TBCK: variants seen among roughly 807,000 people sequenced by gnomAD.
The protein encoded by TBCK is TBC domain-containing protein kinase-like protein.
TBCK carries 99 observed loss-of-function variants against 113.4 expected under a neutral mutation model. That is an observed-to-expected ratio of 0.87 (90% CI 0.74 to 1.03). TBCK has a LOEUF of 1.03. Ranked by LOEUF, TBCK falls within the 50% of genes least tolerant of loss-of-function variation. TBCK has a pLI of 0.00. For missense variants in TBCK, 1,045 were observed against 1,061.3 expected (o/e 0.98, Z 0.21); for synonymous variants, 369 against 370.8 (o/e 1.00, Z 0.05).
rs148401737 is a variant in TBCK at position 106,240,588 on chromosome 4, C to G, written c.1170+1882G>C. On this transcript the variant is annotated intron_variant, in intron 12 of 25. Coordinates refer to ENST00000394708, the MANE Select transcript of TBCK (RefSeq NM_001163435.3). ...TTATTGATTTATTTTTTAAAATCCT[C>G]TACTGGTATACTTAAGATTTGGTAC... Among the ~76,000 whole-genome samples the G allele has an allele frequency of 6.2e-3, 936 of 151,952 alleles. 5 individuals carry two copies. The highest frequency in any genetic ancestry group is 0.011 in the Non-Finnish European group (754 of 67,866).
intron 19 of TBCK, among the ~76,000 whole-genome samples, chr4:106,220,319 C>G (rs553556983): frequency 4.2e-4 from 64 of 152,176 alleles, no homozygotes; most frequent in Non-Finnish European, 6.3e-4. Context: ...TCTTCTCCTG[C>G]CGCTGCCATG....
At chr4:106,092,374 C>CTGCCAG (rs1238087034) in intron 25 of TBCK, among the ~76,000 whole-genome samples, 2 of 152,272 alleles carry the variant, frequency 1.3e-5, no homozygotes, top group African/African-American at 4.8e-5. Context: ...GTGGAGCTGC[C>CTGCCAG]TGCCAGTCCC....
At chr4:106,055,782 C>A (rs1396178810) in intron 25 of TBCK, among the ~76,000 whole-genome samples, 1 of 151,164 alleles carries the variant, frequency 6.6e-6, no homozygotes, top group Non-Finnish European at 1.5e-5. Context: ...ATTAATATAT[C>A]TTTTAAGGGT....
At chr4:106,199,129 C>A (rs1035172804) in intron 20 of TBCK, among the ~76,000 whole-genome samples, 2 of 152,080 alleles carry the variant, frequency 1.3e-5, no homozygotes, top group Admixed American at 6.6e-5. Flanking sequence ...GTCTCTCAAC[C>A]CACTCTAATC....
At chr4:106,075,295 C>T (rs773845142) in intron 25 of TBCK, among the ~76,000 whole-genome samples, 17 of 152,094 alleles carry the variant, frequency 1.1e-4, no homozygotes, top group Non-Finnish European at 2.2e-4. Flanking sequence ...TTTCTTGAAA[C>T]GATTTCCTAA....
chr4:106,292,569 CAAA>C (rs36032025), intron 3 of TBCK, among the ~76,000 whole-genome samples: 4 of 115,832 alleles, frequency 3.5e-5, no homozygotes, highest in Admixed American at 9.2e-5. Context: ...GACTCCATCT[CAAA>C]AAAAAAAAAA....
chr4:106,092,122 T>A (rs959435143), intron 25 of TBCK, among the ~76,000 whole-genome samples: 1 of 152,100 alleles, frequency 6.6e-6, no homozygotes, highest in African/African-American at 2.4e-5. Context: ...ATCCCTTAGC[T>A]AGACATAAAG....
chr4:106,236,781 A>G lies in TBCK; in HGVS notation c.1198T>C (p.Phe400Leu). 1 of 1,520,776 alleles carries G rather than the reference A, an allele frequency of 6.6e-7. No homozygotes were observed. Among genetic ancestry groups the G allele is most frequent in the Non-Finnish European group, 8.8e-7 (1 of 1,134,002 alleles). The allele number at this position is 1,520,776 out of a possible 1,614,324, so 94.2% of individuals were successfully genotyped here. ...CACTCATCTTCAAGTAATGGGTAAA[A>G]TGCTTCTCCACCAACATCTTTCAAT... ...NRLKDVGGEA[F>L]YPLLEDDQSN... Residue 400 changes from phenylalanine to leucine, a missense_variant, in exon 13 of 26, where the codon TTT becomes CTT. Coordinates refer to ENST00000394708, the MANE Select transcript of TBCK (RefSeq NM_001163435.3).
chr4:106,257,778 T>C (rs1275810020), intron 5 of TBCK, among the ~76,000 whole-genome samples: 2 of 152,096 alleles, frequency 1.3e-5, no homozygotes, highest in African/African-American at 4.8e-5. Flanking sequence ...CTATATGTGA[T>C]TTGGGTTTCT....
chr4:106,204,091 G>A (rs1054525909), intron 20 of TBCK, among the ~76,000 whole-genome samples: 1 of 152,094 alleles, frequency 6.6e-6, no homozygotes, highest in Admixed American at 6.5e-5. Context: ...TCAAACTCTA[G>A]TAATATTAAA....
At chr4:106,149,918 A>G (rs749869833) in intron 23 of TBCK, among the ~76,000 whole-genome samples, 3 of 152,220 alleles carry the variant, frequency 2.0e-5, no homozygotes, top group Non-Finnish European at 4.4e-5. Flanking sequence ...TTTACCTTTT[A>G]CTGATTTCAA....
chr4:106,107,571 T>C (rs1017473941), intron 24 of TBCK, among the ~76,000 whole-genome samples: 2 of 152,280 alleles, frequency 1.3e-5, no homozygotes, highest in African/African-American at 4.8e-5. Flanking sequence ...AATCAAGAAG[T>C]TCTTTTAAAG....
At chr4:106,303,050 T>C (rs1767115067) in intron 2 of TBCK, among the ~76,000 whole-genome samples, 1 of 152,226 alleles carries the variant, frequency 6.6e-6, no homozygotes, top group African/African-American at 2.4e-5. Context: ...TTAAGCAAAT[T>C]AGAAAAAGCA....
intron 25 of TBCK, among the ~76,000 whole-genome samples, chr4:106,067,622 T>C (rs910826773): frequency 6.6e-6 from 1 of 152,176 alleles, no homozygotes; most frequent in African/African-American, 2.4e-5. Flanking sequence ...AGTTTTATAG[T>C]TGTAGATTGT....
intron 3 of TBCK, among the ~76,000 whole-genome samples, chr4:106,270,366 C>G (rs956506040): frequency 6.6e-6 from 1 of 152,074 alleles, no homozygotes; most frequent in Admixed American, 6.6e-5. Flanking sequence ...TTTTTCCTAT[C>G]CTTGCACAGA....
chr4:106,200,385 T>C (rs1754746374), intron 20 of TBCK, among the ~76,000 whole-genome samples: 1 of 151,898 alleles, frequency 6.6e-6, no homozygotes, highest in African/African-American at 2.4e-5. Context: ...ACAAAAAATT[T>C]AAAAAGTAGA....
At position 106,175,324 on chromosome 4, in the gene TBCK, A is replaced by G. The variant is rs776572061; in HGVS notation, c.2060-4054T>C. ...GAGATTTTGTGATCTTTGATTCTACATATTTACAAGAACAGCACCAAAAAT... is the reference window on the plus strand; with the variant it reads ...GAGATTTTGTGATCTTTGATTCTACGTATTTACAAGAACAGCACCAAAAAT... On this transcript the variant is annotated intron_variant, in intron 22 of 25. Transcript: ENST00000394708. 5.6e-4 allele frequency among the ~76,000 whole-genome samples: 84 copies of G among 150,374 alleles called. 1 individual carries two copies. The highest frequency in any genetic ancestry group is 1.0e-3 in the South Asian group (5 of 4,768).
At chr4:106,271,553 A>C (rs1055311320) in intron 3 of TBCK, among the ~76,000 whole-genome samples, 8 of 152,012 alleles carry the variant, frequency 5.3e-5, no homozygotes, top group African/African-American at 1.7e-4. Context: ...GGAGTTCCAG[A>C]CCAGACTAAC....
At chr4:106,081,809 T>C (rs1260940920) in intron 25 of TBCK, among the ~76,000 whole-genome samples, 1 of 151,944 alleles carries the variant, frequency 6.6e-6, no homozygotes, top group Admixed American at 6.6e-5. Flanking sequence ...AACAAATACA[T>C]CTCAAAATAA....
Sources: gnomAD v4.1 joint callset for allele counts (sites outside exome capture counted in the v4.1 genomes callset) on GRCh38, gnomAD v4.1.1 for gene constraint, MANE v1.5 for transcripts, NCBI Gene and HGNC (gene_info 2026-07-23, HGNC 2026-07-21) for gene names.